Variants in EYS observed in about 807,000 individuals in gnomAD.
EYS encodes protein eyes shut homolog.
EYS carries 250 observed loss-of-function variants against 282.1 expected under a neutral mutation model. The ratio of observed to expected loss-of-function variants is 0.89; its 90% CI spans 0.80 to 0.98. The LOEUF (loss-of-function observed/expected upper bound fraction) is 0.98. Among genes scored for constraint, EYS ranks in the 50% least tolerant of loss-of-function variants. The pLI, the probability that EYS is intolerant of heterozygous loss-of-function variation, is 0.00. For missense variants in EYS, 4,016 were observed against 3,709.0 expected (o/e 1.08, Z -2.15); for synonymous variants, 1,355 against 1,282.9 (o/e 1.06, Z -1.20).
chr6:63,894,236 G>C (rs1458383171), intron 35 of EYS, among the ~76,000 whole-genome samples: 2 of 152,168 alleles, frequency 1.3e-5, no homozygotes, highest in African/African-American at 4.8e-5. Context: ...ACCTTCTGGG[G>C]AAACAAGGTT....
chr6:64,174,374 T>G (rs1480096091), intron 31 of EYS, among the ~76,000 whole-genome samples: 2 of 152,116 alleles, frequency 1.3e-5, no homozygotes, highest in Admixed American at 6.5e-5. Context: ...ATAAATATTT[T>G]TGTTAAATAT....
At chr6:64,001,071 C>T (rs1450264046) in intron 33 of EYS, among the ~76,000 whole-genome samples, 1 of 152,194 alleles carries the variant, frequency 6.6e-6, no homozygotes, top group Non-Finnish European at 1.5e-5. Flanking sequence ...TGAGGCCAGC[C>T]TAGTCTAATG....
chr6:64,003,372 C>A (rs1262484994), intron 33 of EYS, among the ~76,000 whole-genome samples: 1 of 152,068 alleles, frequency 6.6e-6, no homozygotes, highest in African/African-American at 2.4e-5. Flanking sequence ...TGAATAAGAT[C>A]TACTATTTGA....
chr6:64,594,755 G>A (rs951306470), intron 24 of EYS, among the ~76,000 whole-genome samples: 27 of 151,386 alleles, frequency 1.8e-4, no homozygotes, highest in African/African-American at 6.5e-4. Context: ...ACGAGTTAAT[G>A]GGTGCAGCAC....
intron 31 of EYS, among the ~76,000 whole-genome samples, chr6:64,106,298 A>C (rs945296300): frequency 6.6e-6 from 1 of 152,132 alleles, no homozygotes; most frequent in African/African-American, 2.4e-5. Context: ...AAGTACTTTC[A>C]AAGTACTCCC....
intron 5 of EYS, chr6:65,489,967 G>T (rs1402915731): frequency 6.6e-6 from 1 of 152,122 alleles, no homozygotes; most frequent in East Asian, 1.9e-4. Context: ...ATTACACATT[G>T]GGGCCTGTTG....
At chr6:65,468,522 T>TTAG (rs1765090997) in intron 5 of EYS, among the ~76,000 whole-genome samples, 1 of 152,082 alleles carries the variant, frequency 6.6e-6, no homozygotes, top group African/African-American at 2.4e-5. Context: ...TAGTTAGTTA[T>TTAG]TTAGTTATTT....
At chr6:65,434,117 T>G (rs963160109) in intron 5 of EYS, among the ~76,000 whole-genome samples, 5 of 152,154 alleles carry the variant, frequency 3.3e-5, no homozygotes, top group African/African-American at 9.7e-5. Flanking sequence ...GAGAGCAATG[T>G]GGAGGAGTGA....
intron 41 of EYS, among the ~76,000 whole-genome samples, chr6:63,755,279 G>A (rs115586496): frequency 0.012 from 1,831 of 151,038 alleles, 30 homozygotes; most frequent in African/African-American, 0.042. Context: ...CCTATATCCT[G>A]TTTAATCCAT....
At chr6:64,446,267 G>A (rs919176216) in intron 26 of EYS, among the ~76,000 whole-genome samples, 2 of 152,022 alleles carry the variant, frequency 1.3e-5, no homozygotes, top group African/African-American at 2.4e-5. Context: ...TGAGAATAAC[G>A]AAAACTTAAA....
intron 31 of EYS, among the ~76,000 whole-genome samples, chr6:64,144,654 A>G (rs572746857): frequency 2.6e-5 from 4 of 152,272 alleles, no homozygotes; most frequent in Non-Finnish European, 2.9e-5. Context: ...TCTGCTGCTT[A>G]CTGAAACTCC....
At chr6:65,152,454 G>A (rs2150216086) in intron 12 of EYS, among the ~76,000 whole-genome samples, 1 of 151,998 alleles carries the variant, frequency 6.6e-6, no homozygotes, top group African/African-American at 2.4e-5. Context: ...GTCTTTATAA[G>A]AAGAGGAACT....
intron 29 of EYS, among the ~76,000 whole-genome samples, chr6:64,370,325 A>T (rs1374283699): frequency 6.6e-6 from 1 of 152,074 alleles, no homozygotes; most frequent in Non-Finnish European, 1.5e-5. Flanking sequence ...AATCACATTT[A>T]TTGATTTGTG....
At chr6:64,219,588 A>G (rs980131974) in intron 31 of EYS, among the ~76,000 whole-genome samples, 2 of 152,220 alleles carry the variant, frequency 1.3e-5, no homozygotes, top group Admixed American at 6.5e-5. Flanking sequence ...TTCTAGTTCT[A>G]GATCCCTGAG....
intron 31 of EYS, among the ~76,000 whole-genome samples, chr6:64,156,520 G>A (rs896397328): frequency 1.3e-5 from 2 of 152,188 alleles, no homozygotes; most frequent in East Asian, 1.9e-4. Flanking sequence ...CTAGGTAAGA[G>A]GCAGAGGTTG....
intron 13 of EYS, among the ~76,000 whole-genome samples, chr6:65,036,007 G>A (rs1772757987): frequency 6.7e-6 from 1 of 149,548 alleles, no homozygotes; most frequent in Admixed American, 6.7e-5. Flanking sequence ...GAACCAAAAA[G>A]AGCCTGGATA....
intron 22 of EYS, among the ~76,000 whole-genome samples, chr6:64,727,871 T>A (rs1024200636): frequency 6.6e-6 from 1 of 152,228 alleles, no homozygotes; most frequent in African/African-American, 2.4e-5. Flanking sequence ...ATAAGTACTT[T>A]GTCCAAAACA....
chr6:65,359,077 C>T (rs1263149687), intron 8 of EYS, among the ~76,000 whole-genome samples: 3 of 152,002 alleles, frequency 2.0e-5, no homozygotes, highest in Admixed American at 2.0e-4. Context: ...CTTGAACTGA[C>T]TTTGAACCTC....
chr6:64,451,082 A>G (rs1775318676), intron 26 of EYS, among the ~76,000 whole-genome samples: 1 of 152,186 alleles, frequency 6.6e-6, no homozygotes, highest in Non-Finnish European at 1.5e-5. Flanking sequence ...GTTTTTTTGA[A>G]AAGATCAACA....
Sources: allele counts gnomAD v4.1 joint callset (sites outside exome capture counted in the v4.1 genomes callset), GRCh38; gene constraint gnomAD v4.1.1; transcripts MANE v1.5; gene names NCBI Gene and HGNC (gene_info 2026-07-23, HGNC 2026-07-21).